VDAC1: variants seen among roughly 807,000 people sequenced by gnomAD.
The protein encoded by VDAC1 is voltage dependent anion channel 1.
VDAC1 carries 10 observed loss-of-function variants against 34.7 expected under a neutral mutation model. The observed-to-expected ratio is 0.29, with a 90% CI of 0.18 to 0.49. The LOEUF is 0.49. Among genes scored for constraint, VDAC1 ranks in the 20% least tolerant of loss-of-function variants. VDAC1 has a pLI of 0.99. For synonymous variants in VDAC1, 130 were observed against 136.0 expected, an observed-to-expected ratio of 0.96 and a Z score of 0.30; for missense variants, 230 against 347.9, an observed-to-expected ratio of 0.66 and a Z score of 2.69.
chr5:134,048,768 G>A, the VDAC1 span, among the ~76,000 whole-genome samples: 114 of 151,730 alleles, frequency 7.5e-4, 1 homozygote, highest in Non-Finnish European at 4.7e-4. Flanking sequence ...TCCCCCGCCG[G>A]GCATTTTTTT....
At chr5:134,033,263 TTC>T in the VDAC1 span, among the ~76,000 whole-genome samples, 1 of 149,060 alleles carries the variant, frequency 6.7e-6, no homozygotes, top group Non-Finnish European at 1.5e-5. Context: ...GTTCAAGCGG[TTC>T]TCTTGCCTCA....
At chr5:134,107,561 C>A in the VDAC1 span, among the ~76,000 whole-genome samples, 2 of 152,226 alleles carry the variant, frequency 1.3e-5, no homozygotes, top group Non-Finnish European at 2.9e-5. Flanking sequence ...TCAGCCTGGC[C>A]TCAGAAAGCA....
At chr5:134,015,894 C>T in the VDAC1 span, among the ~76,000 whole-genome samples, 19 of 152,164 alleles carry the variant, frequency 1.2e-4, no homozygotes, top group African/African-American at 2.7e-4. Context: ...CTGCCTGCCT[C>T]GGCCTCCCAA....
chr5:134,036,892 G>A, the VDAC1 span, among the ~76,000 whole-genome samples: 1,405 of 151,904 alleles, frequency 9.2e-3, 23 homozygotes, highest in African/African-American at 0.033. Flanking sequence ...GGTGGAGCTT[G>A]TAATGAGCCT....
chr5:133,989,839 T>C (rs978303384), intron 5 of VDAC1, among the ~76,000 whole-genome samples: 1 of 152,162 alleles, frequency 6.6e-6, no homozygotes, highest in African/African-American at 2.4e-5. Flanking sequence ...AATTTTTATG[T>C]TTAGTAGAGA....
chr5:134,032,378 G>A, the VDAC1 span, among the ~76,000 whole-genome samples: 1 of 152,210 alleles, frequency 6.6e-6, no homozygotes, highest in South Asian at 2.1e-4. Flanking sequence ...ATTTGTTACA[G>A]CAGCAATAGG....
chr5:134,102,607 G>A, the VDAC1 span, among the ~76,000 whole-genome samples: 1 of 152,168 alleles, frequency 6.6e-6, no homozygotes, highest in Non-Finnish European at 1.5e-5. Context: ...GGTGGAGGTT[G>A]TGGTGAGCCG....
chr5:134,036,659 T>TAAA, the VDAC1 span, among the ~76,000 whole-genome samples: 1,781 of 149,428 alleles, frequency 0.012, 42 homozygotes, highest in African/African-American at 0.04. Flanking sequence ...CTGTCTTTTT[T>TAAA]AAAAAAAAAA....
At chr5:133,982,042 G>A (rs1385537926) in intron 5 of VDAC1, among the ~76,000 whole-genome samples, 3 of 152,208 alleles carry the variant, frequency 2.0e-5, no homozygotes, top group Admixed American at 6.5e-5. Flanking sequence ...AATGTACACA[G>A]TAACCTAAAA....
At chr5:134,032,623 A>G in the VDAC1 span, among the ~76,000 whole-genome samples, 2 of 152,376 alleles carry the variant, frequency 1.3e-5, no homozygotes, top group African/African-American at 4.8e-5. Context: ...GTATGCAGCT[A>G]TAAATAGAAA....
chr5:134,031,796 C>G, the VDAC1 span, among the ~76,000 whole-genome samples: 1 of 151,690 alleles, frequency 6.6e-6, no homozygotes, highest in South Asian at 2.1e-4. Flanking sequence ...ACTAAAAATA[C>G]AAAAATTAGC....
chr5:134,073,991 T>C, the VDAC1 span, among the ~76,000 whole-genome samples: 1 of 152,154 alleles, frequency 6.6e-6, no homozygotes, highest in Non-Finnish European at 1.5e-5. Flanking sequence ...ATTTGTATTA[T>C]ATATGTCACT....
At chr5:134,032,756 G>A in the VDAC1 span, among the ~76,000 whole-genome samples, 3 of 152,176 alleles carry the variant, frequency 2.0e-5, no homozygotes, top group Non-Finnish European at 1.5e-5. Flanking sequence ...ATAAAGCCAG[G>A]AGCAGTGGAT....
chr5:134,041,638 C>A, the VDAC1 span, among the ~76,000 whole-genome samples: 1 of 152,220 alleles, frequency 6.6e-6, no homozygotes, highest in Non-Finnish European at 1.5e-5. Context: ...TTTCACCAGA[C>A]TCAAACTCAG....
chr5:134,025,248 T>C, the VDAC1 span, among the ~76,000 whole-genome samples: 1 of 152,152 alleles, frequency 6.6e-6, no homozygotes, highest in Non-Finnish European at 1.5e-5. Context: ...GCACGTCACA[T>C]GGCGAAAGAG....
the VDAC1 span, among the ~76,000 whole-genome samples, chr5:134,083,229 T>G: frequency 6.7e-6 from 1 of 150,284 alleles, no homozygotes; most frequent in African/African-American, 2.5e-5. Context: ...TGCTTTGTTG[T>G]CCAGGCTGGA....
At chr5:134,013,889 CTGAGATCGTG>C in the VDAC1 span, among the ~76,000 whole-genome samples, 1 of 151,460 alleles carries the variant, frequency 6.6e-6, no homozygotes, top group Non-Finnish European at 1.5e-5. Context: ...TTGCAGTGAG[CTGAGATCGTG>C]CCACTGCACT....
chr5:134,063,677 G>T, the VDAC1 span, among the ~76,000 whole-genome samples: 7 of 152,158 alleles, frequency 4.6e-5, no homozygotes, highest in African/African-American at 1.7e-4. Flanking sequence ...ATCCTGGATT[G>T]TCCAGAGCCA....
intron 2 of VDAC1, 41 bp downstream of exon 2, chr5:133,992,905 A>G: frequency 6.3e-7 from 1 of 1,589,382 alleles, no homozygotes. Flanking sequence ...ATGCCAACTC[A>G]GTCTGTGAGC....
Sources: gnomAD v4.1 joint callset for allele counts (sites outside exome capture counted in the v4.1 genomes callset) on GRCh38, gnomAD v4.1.1 for gene constraint, MANE v1.5 for transcripts, NCBI Gene and HGNC (gene_info 2026-07-23, HGNC 2026-07-21) for gene names.